Variants in PIP5K1B observed in about 807,000 individuals in gnomAD.
PIP5K1B encodes the protein phosphatidylinositol 4-phosphate 5-kinase type-1 beta.
Under a neutral mutation model 67.0 loss-of-function variants are expected in PIP5K1B, and 42 were observed. The ratio of observed to expected loss-of-function variants is 0.63; its 90% confidence interval spans 0.49 to 0.81. PIP5K1B has a LOEUF of 0.81. Ranked by LOEUF, PIP5K1B falls within the 30% of genes least tolerant of loss-of-function variation. PIP5K1B has a pLI of 0.00. For synonymous variants in PIP5K1B, 214 were observed against 231.4 expected (o/e 0.92, Z 0.68); for missense variants, 459 against 646.3 (o/e 0.71, Z 3.14).
chr9:68,728,126 C>T (rs1283912579), intron 1 of PIP5K1B, among the ~76,000 whole-genome samples: 1 of 152,184 alleles, frequency 6.6e-6, no homozygotes, highest in African/African-American at 2.4e-5. Flanking sequence ...GAAGTCCTCT[C>T]TAAAGAGCTG....
intron 4 of PIP5K1B, among the ~76,000 whole-genome samples, chr9:68,856,226 T>C (rs77482078): frequency 0.014 from 2,095 of 152,346 alleles, 44 homozygotes; most frequent in African/African-American, 0.048. Context: ...TGAACTCATA[T>C]GATTTGCTTT....
intron 14 of PIP5K1B, among the ~76,000 whole-genome samples, chr9:68,968,737 C>G (rs370795643): frequency 3.2e-4 from 47 of 146,246 alleles, no homozygotes; most frequent in African/African-American, 9.7e-4. Context: ...CATGTGTTGA[C>G]TATAAAGTTT....
intron 11 of PIP5K1B, among the ~76,000 whole-genome samples, chr9:68,921,302 A>T (rs1285435696): frequency 2.6e-5 from 4 of 151,910 alleles, no homozygotes; most frequent in Non-Finnish European, 4.4e-5. Flanking sequence ...CTAAAAGAAA[A>T]TTTTTTAATT....
At chr9:68,940,580 A>G in intron 13 of PIP5K1B, 66 bp from the exon 14 acceptor site, 2 of 1,463,876 alleles carry the variant, frequency 1.4e-6, no homozygotes, top group South Asian at 2.5e-5. Flanking sequence ...CATTTCAATT[A>G]TTATAGATAC....
intron 2 of PIP5K1B, among the ~76,000 whole-genome samples, chr9:68,750,658 TC>T (rs757566810): frequency 1.2e-4 from 18 of 152,182 alleles, no homozygotes; most frequent in Non-Finnish European, 2.2e-4. Flanking sequence ...AAAATGAAGA[TC>T]CCTGTTCTCA....
At chr9:68,864,942 A>G (rs2132267980) in intron 5 of PIP5K1B, among the ~76,000 whole-genome samples, 1 of 152,296 alleles carries the variant, frequency 6.6e-6, no homozygotes, top group South Asian at 2.1e-4. Flanking sequence ...ATCTATATGT[A>G]TCTTTAGAAT....
chr9:68,763,487 CGAT>C (rs1182402131), intron 2 of PIP5K1B, among the ~76,000 whole-genome samples: 1 of 151,882 alleles, frequency 6.6e-6, no homozygotes, highest in African/African-American at 2.4e-5. Flanking sequence ...GCCTTTGAGA[CGAT>C]GATGATGATC....
At chr9:68,752,753 G>T (rs993792270) in intron 2 of PIP5K1B, among the ~76,000 whole-genome samples, 1 of 152,046 alleles carries the variant, frequency 6.6e-6, no homozygotes, top group Non-Finnish European at 1.5e-5. Context: ...TCAATGGAAT[G>T]CTCTGCTTTT....
At chr9:68,882,080 G>T (rs907593066) in intron 6 of PIP5K1B, among the ~76,000 whole-genome samples, 1 of 151,846 alleles carries the variant, frequency 6.6e-6, no homozygotes, top group Non-Finnish European at 1.5e-5. Flanking sequence ...ATAGCAGGGA[G>T]ACCCTGCAGG....
At chr9:68,997,203 C>T (rs1047332819) in intron 15 of PIP5K1B, among the ~76,000 whole-genome samples, 2 of 152,094 alleles carry the variant, frequency 1.3e-5, no homozygotes, top group African/African-American at 4.8e-5. Flanking sequence ...ATGGAAAAAG[C>T]GTGAGAAAGA....
Position 68,990,846 on chromosome 9 carries a change from T to G in PIP5K1B, c.1503-294T>G, listed in dbSNP as rs181866954. ...ACCCAGCTAATTTTTGTATTTTTAG[T>G]AGAGACGGGGTTTCACCATGTTGGC... On this transcript the variant is annotated intron_variant, in intron 14 of 15. Transcript: ENST00000265382. Among the ~76,000 whole-genome samples the G allele has an allele frequency of 3.0e-3, 452 of 151,954 alleles. 2 individuals are homozygous for G. Among genetic ancestry groups the G allele is most frequent in the African/African-American group, 0.01 (424 of 41,432 alleles).
At chr9:68,730,189 T>C (rs900160210) in intron 1 of PIP5K1B, among the ~76,000 whole-genome samples, 1 of 152,248 alleles carries the variant, frequency 6.6e-6, no homozygotes, top group African/African-American at 2.4e-5. Flanking sequence ...ACAATTTGCA[T>C]TGATGATTTT....
chr9:68,798,220 A>G (rs75083630), intron 2 of PIP5K1B, among the ~76,000 whole-genome samples: 1 of 152,332 alleles, frequency 6.6e-6, no homozygotes, highest in East Asian at 1.9e-4. Flanking sequence ...CTTAATTGAT[A>G]GAAGTCTGGA....
chr9:68,991,325 C>T, intron 15 of PIP5K1B, 68 bp downstream of exon 15: 1 of 842,826 alleles, frequency 1.2e-6, no homozygotes, highest in African/African-American at 1.7e-5. Context: ...ATGGCTTACA[C>T]AAGAACAAGT....
At chr9:68,990,810 T>C (rs111271064) in intron 14 of PIP5K1B, among the ~76,000 whole-genome samples, 2 of 151,854 alleles carry the variant, frequency 1.3e-5, no homozygotes, top group East Asian at 3.9e-4. Context: ...ACTACAGGTG[T>C]GCACCACCAC....
chr9:68,941,158 G>T (rs904074089), intron 14 of PIP5K1B: 6 of 457,994 alleles, frequency 1.3e-5, no homozygotes, highest in African/African-American at 1.2e-4. Flanking sequence ...ATTCTCTTTT[G>T]GTATGTGTGA....
At chr9:68,779,059 C>A (rs78845386) in intron 2 of PIP5K1B, among the ~76,000 whole-genome samples, 2,204 of 151,868 alleles carry the variant, frequency 0.015, 58 homozygotes, top group African/African-American at 0.05. Context: ...TCTATTTTCC[C>A]CTCAGTAAGA....
chr9:68,745,692 C>T (rs1338901147), intron 2 of PIP5K1B, among the ~76,000 whole-genome samples: 4 of 152,194 alleles, frequency 2.6e-5, no homozygotes, highest in Admixed American at 6.5e-5. Context: ...CTGCTGCCTG[C>T]TCCCACTCTG....
At chr9:68,901,971 A>G (rs1204319507) in intron 8 of PIP5K1B, among the ~76,000 whole-genome samples, 1 of 152,234 alleles carries the variant, frequency 6.6e-6, no homozygotes, top group Non-Finnish European at 1.5e-5. Flanking sequence ...GTTGGAAGCA[A>G]TAACACAGAG....
Sources: gnomAD v4.1 joint callset for allele counts (sites outside exome capture counted in the v4.1 genomes callset) on GRCh38, gnomAD v4.1.1 for gene constraint, MANE v1.5 for transcripts, NCBI Gene and HGNC (gene_info 2026-07-23, HGNC 2026-07-21) for gene names.